Variants in CACNA1E observed in about 807,000 individuals in gnomAD.
CACNA1E encodes the protein voltage-dependent R-type calcium channel subunit alpha-1E.
In CACNA1E, 40 loss-of-function variants were observed where a neutral mutation model predicts 259.2. The ratio of observed to expected loss-of-function variants is 0.15; its 90% CI spans 0.12 to 0.20. The LOEUF (loss-of-function observed/expected upper bound fraction) is 0.20, where lower values mean the gene tolerates loss of function less well. Ranked by LOEUF, CACNA1E falls within the 10% of genes least tolerant of loss-of-function variation. The probability of loss-of-function intolerance (pLI) is 1.00; values close to 1 mark genes in which losing one functional copy is unlikely to be tolerated. For missense variants in CACNA1E, 1,874 were observed against 3,040.1 expected (o/e 0.62, Z 9.02); for synonymous variants, 1,104 against 1,138.5 (o/e 0.97, Z 0.61).
chr1:181,712,854 G>A (rs771678696), intron 8 of CACNA1E, among the ~76,000 whole-genome samples: 11 of 152,124 alleles, frequency 7.2e-5, no homozygotes, highest in African/African-American at 4.8e-5. Context: ...AGCCCGCCCA[G>A]CCTTGGCCAC....
chr1:181,707,912 A>G (rs962347214), intron 7 of CACNA1E, among the ~76,000 whole-genome samples: 2 of 152,224 alleles, frequency 1.3e-5, no homozygotes, highest in African/African-American at 4.8e-5. Context: ...ACAGCTGACC[A>G]TAGTAAAGGT....
At chr1:181,714,210 AC>A (rs1430356349) in intron 8 of CACNA1E, among the ~76,000 whole-genome samples, 1 of 151,776 alleles carries the variant, frequency 6.6e-6, no homozygotes, top group Non-Finnish European at 1.5e-5. Flanking sequence ...CACAACCATC[AC>A]CCCACTCCCC....
At chr1:181,322,927 T>C (rs967840356) in intron 1 of CACNA1E, among the ~76,000 whole-genome samples, 22 of 152,172 alleles carry the variant, frequency 1.4e-4, no homozygotes, top group African/African-American at 5.1e-4. Flanking sequence ...AGGATGAAGG[T>C]GTGATGCTGT....
At chr1:181,721,633 C>T in intron 15 of CACNA1E, 125 bp from the exon 16 acceptor site, 1 of 525,280 alleles carries the variant, frequency 1.9e-6, no homozygotes, top group South Asian at 3.7e-5. Flanking sequence ...TTTTTAACTC[C>T]CTGGCAAGAT....
At chr1:181,644,825 G>C (rs1466018495) in intron 6 of CACNA1E, among the ~76,000 whole-genome samples, 3 of 152,154 alleles carry the variant, frequency 2.0e-5, no homozygotes, top group Non-Finnish European at 4.4e-5. Context: ...GTCTTACCCA[G>C]TGGCAAAAGG....
At chr1:181,713,992 A>T (rs913019175) in intron 8 of CACNA1E, among the ~76,000 whole-genome samples, 1 of 152,192 alleles carries the variant, frequency 6.6e-6, no homozygotes, top group African/African-American at 2.4e-5. Flanking sequence ...ATATTATTTC[A>T]TCATCAACCA....
intron 3 of CACNA1E, among the ~76,000 whole-genome samples, chr1:181,513,756 C>A (rs1666340941): frequency 6.6e-6 from 1 of 152,140 alleles, no homozygotes; most frequent in Admixed American, 6.5e-5. Context: ...TCAGCGAAGC[C>A]AAGAAGGGCC....
At chr1:181,663,843 A>T (rs923350036) in intron 7 of CACNA1E, among the ~76,000 whole-genome samples, 1 of 152,142 alleles carries the variant, frequency 6.6e-6, no homozygotes, top group Non-Finnish European at 1.5e-5. Flanking sequence ...TTTTCCCATA[A>T]ATTGGCATAT....
chr1:181,522,890 G>T (rs1347612143), intron 3 of CACNA1E, among the ~76,000 whole-genome samples: 2 of 152,218 alleles, frequency 1.3e-5, no homozygotes, highest in East Asian at 3.8e-4. Flanking sequence ...CTTCAGATGA[G>T]TGCAGCCAGC....
rs1230591207 is a variant in CACNA1E at position 181,776,043 on chromosome 1, G to T, written c.5140-58G>T. On this transcript the variant is annotated intron_variant, in intron 37 of 47. Coordinates refer to ENST00000367573, the MANE Select transcript of CACNA1E (RefSeq NM_001205293.3). This position sits in a 1 kb window ranked among gnomAD's most constrained non-coding sequence, Gnocchi z 4.4. ...TCCATGCCCTGAAGCCTGTTCTTCT[G>T]CTTCCTGAGCTCTGCTTTAGGTTTC... 1 of 1,539,888 alleles carries T rather than the reference G, an allele frequency of 6.5e-7. No individual in the cohort carries two copies.
At chr1:181,490,137 A>C (rs1013290282) in intron 1 of CACNA1E, among the ~76,000 whole-genome samples, 4 of 152,154 alleles carry the variant, frequency 2.6e-5, no homozygotes, top group Admixed American at 6.5e-5. Context: ...ATAAAGCTTG[A>C]CGAGCCCCAG....
In CACNA1E at chr1:181,771,393, A is replaced by C. The variant is rs747797244; in HGVS notation, c.4973+9A>C. ...CTAATGCTACTCTTCAGGTACCTGG[A>C]TGCGTAACTGTCATAGCTGGGGTTC... On this transcript the variant is annotated intron_variant, in intron 36 of 47. Transcript: ENST00000367573. The C allele has an allele frequency of 1.0e-5, 15 of 1,492,770 alleles. No individual in the cohort carries two copies. In the Admixed American group the frequency reaches 1.6e-4, roughly 16 times the overall value. 92.5% of individuals were successfully genotyped at this position (1,492,770 alleles called of 1,614,324 possible). A position where few individuals can be genotyped will look rare whatever the true frequency, so the allele number is the denominator to read the frequency against.
intron 3 of CACNA1E, among the ~76,000 whole-genome samples, chr1:181,532,413 G>A (rs1267576992): frequency 6.6e-6 from 1 of 152,230 alleles, no homozygotes; most frequent in Non-Finnish European, 1.5e-5. Context: ...GGGGCAGCAT[G>A]ATGTGGTGTA....
intron 6 of CACNA1E, among the ~76,000 whole-genome samples, chr1:181,605,197 C>G (rs1389124108): frequency 1.3e-5 from 2 of 151,698 alleles, no homozygotes; most frequent in Non-Finnish European, 2.9e-5. Flanking sequence ...GAAATTAGAA[C>G]AAGCAGGAAG....
intron 7 of CACNA1E, among the ~76,000 whole-genome samples, chr1:181,710,097 C>T (rs1304480762): frequency 1.3e-5 from 2 of 152,126 alleles, no homozygotes; most frequent in African/African-American, 2.4e-5. Context: ...TGTTGTCACA[C>T]GGAGTGGCAT....
chr1:181,696,561 A>G (rs954504995), intron 7 of CACNA1E, among the ~76,000 whole-genome samples: 3 of 152,168 alleles, frequency 2.0e-5, no homozygotes, highest in Non-Finnish European at 4.4e-5. Context: ...ATTGCAAAGG[A>G]GTAGATTAAA....
chr1:181,789,371 A>T (rs1291973710), intron 43 of CACNA1E, among the ~76,000 whole-genome samples: 1 of 152,230 alleles, frequency 6.6e-6, no homozygotes, highest in African/African-American at 2.4e-5. Flanking sequence ...TTCTCCTGTA[A>T]TCTAAAAAAA....
chr1:181,457,395 G>T (rs1416667739), intron 2 of CACNA1E, among the ~76,000 whole-genome samples: 1 of 152,248 alleles, frequency 6.6e-6, no homozygotes. Flanking sequence ...AGGAAGATGA[G>T]ATTGGTGGGC....
intron 2 of CACNA1E, among the ~76,000 whole-genome samples, chr1:181,424,810 C>T (rs1467973417): frequency 1.3e-5 from 2 of 152,094 alleles, no homozygotes; most frequent in African/African-American, 4.8e-5. Flanking sequence ...CAGCCTGGTG[C>T]TCAAGCCGGA....
Sources: allele counts gnomAD v4.1 joint callset (sites outside exome capture counted in the v4.1 genomes callset), GRCh38; gene constraint gnomAD v4.1.1; non-coding constraint Gnocchi (gnomAD v3.1); transcripts MANE v1.5; gene names NCBI Gene and HGNC (gene_info 2026-07-23, HGNC 2026-07-21).